PDE11A: variants seen among roughly 807,000 people sequenced by gnomAD.
PDE11A encodes phosphodiesterase 11A.
In PDE11A, 100 loss-of-function variants were observed where a neutral mutation model predicts 100.5. That is an observed-to-expected ratio of 1.00 (90% CI 0.85 to 1.18). The LOEUF is 1.18. Ranked by LOEUF, PDE11A falls within the 50% of genes most tolerant of loss-of-function variation. The pLI, the probability that PDE11A is intolerant of heterozygous loss-of-function variation, is 0.00. For synonymous variants in PDE11A, 381 were observed against 420.8 expected (o/e 0.91, Z 1.16); for missense variants, 1,141 against 1,152.6 (o/e 0.99, Z 0.15).
chr2:177,918,081 A>C (rs1286899339), intron 2 of PDE11A, among the ~76,000 whole-genome samples: 3 of 152,234 alleles, frequency 2.0e-5, no homozygotes, highest in Non-Finnish European at 4.4e-5. Flanking sequence ...TTGAAGACAA[A>C]AAGAGCTTTA....
At chr2:177,634,860 T>G (rs1296648324) in intron 19 of PDE11A, among the ~76,000 whole-genome samples, 1 of 152,218 alleles carries the variant, frequency 6.6e-6, no homozygotes, top group Admixed American at 6.5e-5. Flanking sequence ...TTTAAAAGTT[T>G]CTTATCAAGT....
chr2:177,914,215 T>C (rs912620007), intron 2 of PDE11A, among the ~76,000 whole-genome samples: 1 of 152,194 alleles, frequency 6.6e-6, no homozygotes, highest in African/African-American at 2.4e-5. Flanking sequence ...ATTCATCTAT[T>C]ACTTATTGCT....
At chr2:177,906,371 T>G (rs1157798922) in intron 2 of PDE11A, among the ~76,000 whole-genome samples, 2 of 152,094 alleles carry the variant, frequency 1.3e-5, no homozygotes, top group African/African-American at 2.4e-5. Context: ...AAGAATCACC[T>G]GGAGTGCAAG....
chr2:177,854,651 C>T (rs1438052), intron 5 of PDE11A, among the ~76,000 whole-genome samples: 148,159 of 152,204 alleles, frequency 0.97, 72,220 homozygotes, highest in Middle Eastern at 1. Flanking sequence ...TCATACACTC[C>T]GCATATTTTT....
intron 1 of PDE11A, among the ~76,000 whole-genome samples, chr2:178,023,043 C>G (rs2086433818): frequency 6.6e-6 from 1 of 152,152 alleles, no homozygotes; most frequent in African/African-American, 2.4e-5. Context: ...GACAAAGTCA[C>G]AAGGCCAAAA....
intron 4 of PDE11A, among the ~76,000 whole-genome samples, chr2:177,878,201 G>A (rs1010991814): frequency 1.3e-5 from 2 of 152,122 alleles, no homozygotes; most frequent in African/African-American, 4.8e-5. Flanking sequence ...TATGAATTAA[G>A]CCTCTACAGA....
chr2:177,813,259 C>T (rs972468622), intron 9 of PDE11A, among the ~76,000 whole-genome samples: 33 of 152,300 alleles, frequency 2.2e-4, no homozygotes, highest in African/African-American at 7.9e-4. Context: ...GTCCTTCTCT[C>T]AATAAACTCT....
At chr2:178,104,174 T>A in intron 2 of PDE11A, 2 of 836,986 alleles carry the variant, frequency 2.4e-6, no homozygotes, top group Non-Finnish European at 4.0e-6. Context: ...TAAATCCATA[T>A]TTCAGTAATA....
chr2:177,660,181 T>C (rs1446964300), intron 19 of PDE11A, among the ~76,000 whole-genome samples: 1 of 151,396 alleles, frequency 6.6e-6, no homozygotes, highest in Non-Finnish European at 1.5e-5. Flanking sequence ...CTTCTCTGTC[T>C]CTCTCTCTTT....
chr2:177,851,475 T>G (rs997303111), intron 5 of PDE11A, among the ~76,000 whole-genome samples: 1 of 152,124 alleles, frequency 6.6e-6, no homozygotes, highest in Non-Finnish European at 1.5e-5. Flanking sequence ...ACATGGCACA[T>G]GTATACATAT....
chr2:177,705,137 G>T (rs908861059), intron 13 of PDE11A, among the ~76,000 whole-genome samples: 2 of 152,012 alleles, frequency 1.3e-5, no homozygotes, highest in Non-Finnish European at 2.9e-5. Flanking sequence ...ACTGTGCCTG[G>T]CTGATTGTAA....
At chr2:177,791,194 A>T (rs1278184952) in intron 9 of PDE11A, among the ~76,000 whole-genome samples, 11 of 152,102 alleles carry the variant, frequency 7.2e-5, no homozygotes, top group Non-Finnish European at 1.3e-4. Flanking sequence ...ACACCATGAA[A>T]TACTATGCAG....
intron 9 of PDE11A, among the ~76,000 whole-genome samples, chr2:177,801,199 C>T (rs1377031032): frequency 6.6e-6 from 1 of 152,152 alleles, no homozygotes; most frequent in East Asian, 1.9e-4. Flanking sequence ...TGAATGTATC[C>T]ACAGTAGCCC....
chr2:177,895,408 G>T (rs548708645), intron 4 of PDE11A, among the ~76,000 whole-genome samples: 2 of 152,126 alleles, frequency 1.3e-5, no homozygotes, highest in African/African-American at 4.8e-5. Context: ...ACAAAAATTA[G>T]CTGGGTATCG....
At chr2:178,038,902 G>C (rs2086649321) in intron 1 of PDE11A, 1 of 152,170 alleles carries the variant, frequency 6.6e-6, no homozygotes, top group Non-Finnish European at 1.5e-5. Context: ...ACGAATGCTT[G>C]TGCTTACTTT....
chr2:178,055,799 G>A (rs12990719), intron 1 of PDE11A, among the ~76,000 whole-genome samples: 1 of 151,780 alleles, frequency 6.6e-6, no homozygotes, highest in East Asian at 1.9e-4. Context: ...TTTCAAATAT[G>A]GAAAAGCTGG....
At chr2:177,744,251 G>A (rs914388241) in intron 10 of PDE11A, among the ~76,000 whole-genome samples, 1 of 152,132 alleles carries the variant, frequency 6.6e-6, no homozygotes, top group African/African-American at 2.4e-5. Flanking sequence ...ATGCTCTAGT[G>A]ACCTTGCAGG....
chr2:177,787,518 G>A lies in PDE11A; in HGVS notation c.1738-18145C>T, dbSNP rs1344448517. On this transcript the variant is annotated intron_variant, in intron 9 of 19. Coordinates refer to ENST00000286063, the MANE Select transcript of PDE11A (RefSeq NM_016953.4). ...TAACCAGCTAACATCATAATGACAGGATCAAATTCACAAATAACAATATTA... is the reference window on the plus strand; with the variant it reads ...TAACCAGCTAACATCATAATGACAGAATCAAATTCACAAATAACAATATTA... Among the ~76,000 whole-genome samples, 4 of 151,642 alleles carry A rather than the reference G, an allele frequency of 2.6e-5. No individual in the cohort carries two copies. In the East Asian group the frequency reaches 7.8e-4, roughly 30 times the overall value.
chr2:178,103,308 A>G (rs903364023), intron 2 of PDE11A, among the ~76,000 whole-genome samples: 1 of 152,208 alleles, frequency 6.6e-6, no homozygotes, highest in South Asian at 2.1e-4. Context: ...ATATGATCCA[A>G]TAGGCAAATC....
Sources: allele counts gnomAD v4.1 joint callset (sites outside exome capture counted in the v4.1 genomes callset), GRCh38; gene constraint gnomAD v4.1.1; transcripts MANE v1.5; gene names NCBI Gene and HGNC (gene_info 2026-07-23, HGNC 2026-07-21).